The following CNNM2 variants were observed in gnomAD, a reference collection of about 807,000 sequenced individuals.
CNNM2 encodes metal transporter CNNM2.
Under a neutral mutation model 66.9 loss-of-function variants are expected in CNNM2, and 12 were observed. The ratio of observed to expected loss-of-function variants is 0.18; its 90% CI spans 0.11 to 0.29. The LOEUF is 0.29. Among genes scored for constraint, CNNM2 ranks in the 10% least tolerant of loss-of-function variants. The pLI is 1.00. For missense variants in CNNM2, 705 were observed against 1,167.7 expected, an observed-to-expected ratio of 0.60 and a Z score of 5.77; for synonymous variants, 557 against 501.8, an observed-to-expected ratio of 1.11 and a Z score of -1.47.
At chr10:102,955,188 C>G (rs1007350873) in intron 1 of CNNM2, among the ~76,000 whole-genome samples, 2 of 152,102 alleles carry the variant, frequency 1.3e-5, no homozygotes. Context: ...AGGTATAGAC[C>G]AATGGAACAG....
At chr10:103,007,881 G>A (rs2064258862) in intron 1 of CNNM2, among the ~76,000 whole-genome samples, 1 of 152,204 alleles carries the variant, frequency 6.6e-6, no homozygotes, top group Non-Finnish European at 1.5e-5. Flanking sequence ...CAGGCGTTAA[G>A]AAATTATAAA....
chr10:103,067,864 A>G (rs2065507223), intron 4 of CNNM2, among the ~76,000 whole-genome samples: 1 of 152,204 alleles, frequency 6.6e-6, no homozygotes, highest in East Asian at 1.9e-4. Flanking sequence ...CTGCTTTTCC[A>G]AGACAGGAGA....
At chr10:102,955,886 T>C (rs1847015602) in intron 1 of CNNM2, among the ~76,000 whole-genome samples, 1 of 152,156 alleles carries the variant, frequency 6.6e-6, no homozygotes, top group African/African-American at 2.4e-5. Flanking sequence ...GCCAGGAGCG[T>C]TGGCTCACGC....
intron 1 of CNNM2, among the ~76,000 whole-genome samples, chr10:103,009,786 G>A (rs545199419): frequency 3.8e-4 from 58 of 151,624 alleles, no homozygotes; most frequent in Non-Finnish European, 7.7e-4. Flanking sequence ...GTCTAAATGA[G>A]ATATATCCAG....
intron 1 of CNNM2, among the ~76,000 whole-genome samples, chr10:102,986,416 A>G (rs2063798181): frequency 6.6e-6 from 1 of 152,106 alleles, no homozygotes; most frequent in African/African-American, 2.4e-5. Context: ...CCAAACTGGA[A>G]TTAATGTGAA....
intron 1 of CNNM2, among the ~76,000 whole-genome samples, chr10:103,007,641 T>C (rs922292578): frequency 6.6e-6 from 1 of 152,214 alleles, no homozygotes; most frequent in Non-Finnish European, 1.5e-5. Flanking sequence ...AAGAAAAATA[T>C]GGCTCTATTC....
intron 1 of CNNM2, chr10:102,927,265 C>G (rs541439033): frequency 5.0e-6 from 8 of 1,590,540 alleles, no homozygotes; most frequent in Non-Finnish European, 6.9e-6. Flanking sequence ...CTATTAAACT[C>G]AAACATGTGG....
At chr10:103,017,430 A>G (rs1301106234) in intron 1 of CNNM2, among the ~76,000 whole-genome samples, 1 of 152,176 alleles carries the variant, frequency 6.6e-6, no homozygotes, top group Non-Finnish European at 1.5e-5. Context: ...GAACCAAAAC[A>G]TCAGATGCTG....
At chr10:102,940,986 A>G (rs953003780) in intron 1 of CNNM2, among the ~76,000 whole-genome samples, 4 of 151,932 alleles carry the variant, frequency 2.6e-5, no homozygotes, top group Admixed American at 6.6e-5. Flanking sequence ...TGGCCTCCCA[A>G]AGGGTTGGGA....
intron 1 of CNNM2, among the ~76,000 whole-genome samples, chr10:102,952,291 G>A (rs947678580): frequency 6.6e-6 from 1 of 151,928 alleles, no homozygotes; most frequent in African/African-American, 2.4e-5. Context: ...GGGGCCGGGC[G>A]CAGTGGCTCA....
chr10:102,947,481 A>G (rs1846658561), intron 1 of CNNM2, among the ~76,000 whole-genome samples: 1 of 152,210 alleles, frequency 6.6e-6, no homozygotes, highest in Non-Finnish European at 1.5e-5. Flanking sequence ...TGCTGAGCAC[A>G]GTGGCTCGCG....
At chr10:103,009,939 C>CTT (rs10572558) in intron 1 of CNNM2, among the ~76,000 whole-genome samples, 8 of 147,026 alleles carry the variant, frequency 5.4e-5, no homozygotes, top group Admixed American at 4.1e-4. Flanking sequence ...AAATTTAAGA[C>CTT]TTTTTTTTTT....
rs1212198423 is a variant in CNNM2, at chr10:103,087,809, T to A, written c.*10629T>A. On this transcript the variant is annotated 3_prime_UTR_variant, in exon 8 of 8. Transcript: ENST00000369878. ...CTTTTAAAGGGGCATATATTCCCAA[T>A]ATATACCATTTAGAATGTATGTATG... 6.6e-6 allele frequency: 1 copy of A among 152,220 alleles called. No homozygotes were observed. The highest frequency in any genetic ancestry group is 1.5e-5 in the Non-Finnish European group (1 of 68,046). The allele number at this position is 152,220 out of a possible 1,614,324, so 9.4% of individuals were successfully genotyped here. A position where few individuals can be genotyped will look rare whatever the true frequency, so the allele number is the denominator to read the frequency against.
chr10:102,958,733 G>A (rs893086213), intron 1 of CNNM2, among the ~76,000 whole-genome samples: 1 of 151,980 alleles, frequency 6.6e-6, no homozygotes, highest in African/African-American at 2.4e-5. Context: ...GCCTCCCAAA[G>A]TGCTGGGATT....
chr10:102,934,675 C>T (rs548383433), intron 1 of CNNM2, among the ~76,000 whole-genome samples: 14 of 152,068 alleles, frequency 9.2e-5, no homozygotes, highest in African/African-American at 3.4e-4. Flanking sequence ...GAAAGACTAG[C>T]TAATATCTAA....
Position 103,071,800 on chromosome 10 carries a change from G to C in CNNM2, c.2194G>C (p.Val732Leu), listed in dbSNP as rs1039488939. 5.6e-6 allele frequency: 9 copies of C among 1,613,724 alleles called. No homozygotes were observed. Among genetic ancestry groups the C allele is most frequent in the Non-Finnish European group, 7.6e-6 (9 of 1,179,866 alleles). The change falls in exon 6 of 8, where the codon GTT becomes CTT. Residue 732 changes from valine to leucine, a missense_variant. Val to Leu is a conservative substitution (Grantham distance 32). Coordinates refer to ENST00000369878, the MANE Select transcript of CNNM2 (RefSeq NM_017649.5). ...PVPLSLSRTF[V>L]VSRTELLAAG... is the part of the protein sequence containing the mutation. ...TCCTTTGTCCCTGTCTCGTACCTTT[G>C]TTGTCAGCAGAACAGAGTTGTTAGC...
intron 1 of CNNM2, among the ~76,000 whole-genome samples, chr10:103,039,205 G>A (rs902670335): frequency 4.6e-5 from 7 of 151,920 alleles, no homozygotes; most frequent in African/African-American, 1.7e-4. Flanking sequence ...AATGCATGGC[G>A]TGATCTCAGC....
intron 1 of CNNM2, among the ~76,000 whole-genome samples, chr10:102,973,307 C>T (rs765645432): frequency 6.6e-6 from 1 of 151,732 alleles, no homozygotes; most frequent in South Asian, 2.1e-4. Flanking sequence ...GCTAGGGTCT[C>T]GCTCTGTTGC....
chr10:103,002,367 T>TG (rs1564840327), intron 1 of CNNM2, among the ~76,000 whole-genome samples: 1 of 151,842 alleles, frequency 6.6e-6, no homozygotes, highest in Non-Finnish European at 1.5e-5. Context: ...CGTGAAAAGA[T>TG]GGGAAATACA....
Sources: gnomAD v4.1 joint callset for allele counts (sites outside exome capture counted in the v4.1 genomes callset) on GRCh38, gnomAD v4.1.1 for gene constraint, MANE v1.5 for transcripts, NCBI Gene and HGNC (gene_info 2026-07-23, HGNC 2026-07-21) for gene names.